The following PTPRN2 variants were observed in gnomAD, a reference collection of about 807,000 sequenced individuals.
PTPRN2 encodes the protein protein tyrosine phosphatase receptor type N2, also known as receptor-type tyrosine-protein phosphatase N2.
PTPRN2 carries 74 observed loss-of-function variants against 118.8 expected under a neutral mutation model. The observed-to-expected ratio is 0.62, with a 90% CI of 0.52 to 0.76. PTPRN2 has a LOEUF of 0.76. PTPRN2 is among the 30% of genes least tolerant of loss of function. The pLI, the probability that PTPRN2 is intolerant of heterozygous loss-of-function variation, is 0.00. For synonymous variants in PTPRN2, 641 were observed against 608.0 expected, an observed-to-expected ratio of 1.05 and a Z score of -0.80; for missense variants, 1,481 against 1,394.4, an observed-to-expected ratio of 1.06 and a Z score of -0.99.
At chr7:157,777,368 G>A (rs1004451358) in intron 12 of PTPRN2, among the ~76,000 whole-genome samples, 4 of 146,848 alleles carry the variant, frequency 2.7e-5, no homozygotes, top group African/African-American at 5.2e-5. Flanking sequence ...GCTCAGGGAC[G>A]CAGCCTTCCT....
chr7:158,510,679 T>C (rs1823113340), intron 1 of PTPRN2, among the ~76,000 whole-genome samples: 1 of 152,218 alleles, frequency 6.6e-6, no homozygotes, highest in Non-Finnish European at 1.5e-5. Flanking sequence ...TAAAAAATAC[T>C]GTAATTCCAT....
chr7:157,566,870 G>A (rs979821834), intron 21 of PTPRN2, among the ~76,000 whole-genome samples: 5 of 152,186 alleles, frequency 3.3e-5, no homozygotes, highest in African/African-American at 4.8e-5. Flanking sequence ...CGCACGCTGG[G>A]GTCACCTGCG....
intron 3 of PTPRN2, among the ~76,000 whole-genome samples, chr7:158,243,296 A>G (rs1174259774): frequency 3.3e-5 from 5 of 152,208 alleles, no homozygotes; most frequent in Admixed American, 3.3e-4. Flanking sequence ...CTCTCCCAAA[A>G]TTAATCAATG....
intron 2 of PTPRN2, among the ~76,000 whole-genome samples, chr7:158,450,062 C>T (rs554867195): frequency 9.8e-5 from 15 of 152,290 alleles, no homozygotes; most frequent in African/African-American, 2.6e-4. Context: ...TGATGGCCTC[C>T]GCCTGGCTTC....
At chr7:158,428,052 C>T (rs1242535634) in intron 2 of PTPRN2, among the ~76,000 whole-genome samples, 3 of 152,178 alleles carry the variant, frequency 2.0e-5, no homozygotes. Context: ...TACCTAACTC[C>T]GCCGAGGACT....
At chr7:158,085,486 C>T (rs1167497060) in intron 10 of PTPRN2, among the ~76,000 whole-genome samples, 11 of 117,484 alleles carry the variant, frequency 9.4e-5, no homozygotes, top group African/African-American at 2.0e-4. Context: ...TCCACACCCA[C>T]GACGCCCATC....
intron 17 of PTPRN2, among the ~76,000 whole-genome samples, chr7:157,584,178 T>C (rs1159756810): frequency 6.6e-6 from 1 of 152,182 alleles, no homozygotes; most frequent in Non-Finnish European, 1.5e-5. Context: ...CGCCAGGCCA[T>C]TTTCTCTACA....
At chr7:158,219,879 TA>T (rs112844748) in intron 3 of PTPRN2, among the ~76,000 whole-genome samples, 40 of 145,206 alleles carry the variant, frequency 2.8e-4, no homozygotes, top group Non-Finnish European at 3.8e-4. Flanking sequence ...GAATTGCTAA[TA>T]AAAAAAAAAC....
intron 12 of PTPRN2, among the ~76,000 whole-genome samples, chr7:157,755,312 G>GA (rs1221089477): frequency 2.0e-5 from 3 of 152,208 alleles, no homozygotes; most frequent in Non-Finnish European, 2.9e-5. Context: ...CAAATGTTGA[G>GA]AAAATCTGTA....
chr7:157,727,813 G>C (rs1799683958), intron 12 of PTPRN2, among the ~76,000 whole-genome samples: 1 of 152,200 alleles, frequency 6.6e-6, no homozygotes, highest in Non-Finnish European at 1.5e-5. Context: ...CCCGCGACCA[G>C]CTCTGCTGCT....
At chr7:158,325,340 T>A (rs1434248450) in intron 2 of PTPRN2, among the ~76,000 whole-genome samples, 1 of 149,586 alleles carries the variant, frequency 6.7e-6, no homozygotes, top group Non-Finnish European at 1.5e-5. Flanking sequence ...TTTTCTAATA[T>A]CTTTACCTAC....
At chr7:157,928,744 G>C (rs1799177508) in intron 11 of PTPRN2, among the ~76,000 whole-genome samples, 1 of 150,476 alleles carries the variant, frequency 6.6e-6, no homozygotes, top group Non-Finnish European at 1.5e-5. Context: ...TGGAAGATGA[G>C]AGGGTGGGAG....
At chr7:158,305,452 G>A (rs900885114) in intron 3 of PTPRN2, among the ~76,000 whole-genome samples, 1 of 152,136 alleles carries the variant, frequency 6.6e-6, no homozygotes, top group Non-Finnish European at 1.5e-5. Context: ...GATGGATGTG[G>A]CCATGGCAGC....
At chr7:157,695,505 T>A (rs1389986793) in intron 12 of PTPRN2, among the ~76,000 whole-genome samples, 1 of 152,220 alleles carries the variant, frequency 6.6e-6, no homozygotes, top group South Asian at 2.1e-4. Context: ...ATTGTAGGTA[T>A]GTGTATAAGG....
intron 11 of PTPRN2, among the ~76,000 whole-genome samples, chr7:157,988,374 G>A (rs1015402277): frequency 1.3e-5 from 2 of 152,232 alleles, no homozygotes; most frequent in African/African-American, 4.8e-5. Context: ...TCCTGAGGCT[G>A]GTTTGCAGTG....
intron 2 of PTPRN2, among the ~76,000 whole-genome samples, chr7:158,476,429 C>G: frequency 6.6e-6 from 1 of 152,268 alleles, no homozygotes; most frequent in East Asian, 1.9e-4. Context: ...TGTCCCAACA[C>G]AAGACAGCAG....
At chr7:158,082,256 G>A (rs888674746) in intron 10 of PTPRN2, among the ~76,000 whole-genome samples, 3 of 152,186 alleles carry the variant, frequency 2.0e-5, no homozygotes, top group Non-Finnish European at 2.9e-5. Context: ...GTACCATGTA[G>A]CCCAGGGTCC....
chr7:158,363,661 G>C (rs1259570759), intron 2 of PTPRN2, among the ~76,000 whole-genome samples: 1 of 152,192 alleles, frequency 6.6e-6, no homozygotes, highest in Admixed American at 6.5e-5. Flanking sequence ...CCAGAACTCC[G>C]AGGTGAGACA....
rs1802716299 is a variant in PTPRN2 at position 157,615,613 on chromosome 7, T to A, written c.2344+5749A>T. 2.1e-6 allele frequency: 1 copy of A among 471,206 alleles called. No homozygotes were observed. Among genetic ancestry groups the A allele is most frequent in the Non-Finnish European group, 4.4e-6 (1 of 227,070 alleles). 29.2% of individuals were successfully genotyped at this position (471,206 alleles called of 1,614,324 possible). A position where few individuals can be genotyped will look rare whatever the true frequency, so the allele number is the denominator to read the frequency against. On this transcript the variant is annotated intron_variant, in intron 15 of 22. Transcript: ENST00000389418. The surrounding 1 kb of genome is among the most constrained non-coding windows in gnomAD (Gnocchi z 4.3). Reference sequence around the variant, plus strand: ...GTGGATCCGCGTCACGGGGGAGGATTGGCTCAGCACTGGTCCTGCGGAATG... The same window carrying A: ...GTGGATCCGCGTCACGGGGGAGGATAGGCTCAGCACTGGTCCTGCGGAATG...
Sources: allele counts gnomAD v4.1 joint callset (sites outside exome capture counted in the v4.1 genomes callset), GRCh38; gene constraint gnomAD v4.1.1; non-coding constraint Gnocchi (gnomAD v3.1); transcripts MANE v1.5; gene names NCBI Gene and HGNC (gene_info 2026-07-23, HGNC 2026-07-21).